Variants in IGSF11 observed in about 807,000 individuals in gnomAD.
IGSF11 encodes the protein CXADR like 1.
Under a neutral mutation model 41.0 loss-of-function variants are expected in IGSF11, and 22 were observed. That is an observed-to-expected ratio of 0.54 (90% CI 0.38 to 0.77). IGSF11 has a LOEUF of 0.77. IGSF11 is among the 30% of genes least tolerant of loss of function. The pLI, the probability that IGSF11 is intolerant of heterozygous loss-of-function variation, is 0.00. For synonymous variants in IGSF11, 219 were observed against 201.3 expected, an observed-to-expected ratio of 1.09 and a Z score of -0.74; for missense variants, 444 against 530.8, an observed-to-expected ratio of 0.84 and a Z score of 1.61.
At chr3:118,933,777 T>C (rs1348699719) in intron 1 of IGSF11, among the ~76,000 whole-genome samples, 4 of 152,144 alleles carry the variant, frequency 2.6e-5, no homozygotes, top group Non-Finnish European at 1.5e-5. Context: ...ACTTTAAAAC[T>C]AGAATGGACT....
chr3:118,913,389 A>G (rs1259635637), intron 4 of IGSF11, among the ~76,000 whole-genome samples: 1 of 152,196 alleles, frequency 6.6e-6, no homozygotes, highest in Non-Finnish European at 1.5e-5. Context: ...TCTAGGATCT[A>G]CAGAACACCA....
At chr3:119,090,978 G>T (rs2076752659) in intron 1 of IGSF11, among the ~76,000 whole-genome samples, 1 of 152,112 alleles carries the variant, frequency 6.6e-6, no homozygotes, top group Non-Finnish European at 1.5e-5. Context: ...TCTGACAAAG[G>T]TCTAATATCC....
At chr3:118,992,473 T>G (rs1481656058) in intron 1 of IGSF11, among the ~76,000 whole-genome samples, 2 of 152,220 alleles carry the variant, frequency 1.3e-5, no homozygotes, top group Non-Finnish European at 2.9e-5. Context: ...TGAATCTACA[T>G]TTTAAAAGTG....
At chr3:119,110,100 T>C (rs1158445482), upstream of IGSF11, among the ~76,000 whole-genome samples, 1 of 152,164 alleles carries the variant, frequency 6.6e-6, no homozygotes, top group Non-Finnish European at 1.5e-5. Flanking sequence ...TAGATGTCTA[T>C]TAGGTCCGCT....
At chr3:119,101,801 G>A (rs560821092) in intron 1 of IGSF11, among the ~76,000 whole-genome samples, 5 of 152,114 alleles carry the variant, frequency 3.3e-5, no homozygotes, top group South Asian at 4.2e-4. Flanking sequence ...TTCACTGGAC[G>A]GTATCTATTG....
chr3:118,930,952 T>C (rs987562771), intron 1 of IGSF11, among the ~76,000 whole-genome samples: 3 of 152,134 alleles, frequency 2.0e-5, no homozygotes, highest in African/African-American at 7.2e-5. Context: ...GATGAAGAAT[T>C]CACACTACCC....
chr3:119,111,744 G>T (rs1300660923), intron 1 of IGSF11, among the ~76,000 whole-genome samples: 2 of 152,198 alleles, frequency 1.3e-5, no homozygotes, highest in Non-Finnish European at 2.9e-5. Flanking sequence ...GGTCTTTGAT[G>T]ATGGTGATGT....
intron 1 of IGSF11, among the ~76,000 whole-genome samples, chr3:119,092,923 A>G (rs531871035): frequency 6.6e-6 from 1 of 152,354 alleles, no homozygotes; most frequent in East Asian, 1.9e-4. Context: ...CTAGGTGTTT[A>G]GTAGGGCTAT....
intron 1 of IGSF11, among the ~76,000 whole-genome samples, chr3:119,042,700 A>T (rs1205621125): frequency 2.0e-5 from 3 of 152,188 alleles, no homozygotes; most frequent in African/African-American, 7.2e-5. Flanking sequence ...GTAGCTGAAG[A>T]CAAAAGGCAT....
At chr3:118,936,608 T>C (rs1943304866) in intron 1 of IGSF11, among the ~76,000 whole-genome samples, 1 of 152,200 alleles carries the variant, frequency 6.6e-6, no homozygotes, top group Non-Finnish European at 1.5e-5. Context: ...ACTTGAATCT[T>C]TTCTTTGTAC....
At chr3:118,981,233 G>A (rs1836689) in intron 1 of IGSF11, among the ~76,000 whole-genome samples, 9,942 of 152,236 alleles carry the variant, frequency 0.065, 447 homozygotes, top group East Asian at 0.13. Context: ...GCAGTGGCGT[G>A]ATCTCAGTTC....
At chr3:118,967,276 TA>T (rs934447583) in intron 1 of IGSF11, among the ~76,000 whole-genome samples, 2 of 151,968 alleles carry the variant, frequency 1.3e-5, no homozygotes, top group Non-Finnish European at 2.9e-5. Flanking sequence ...ATAATTTGAG[TA>T]AAAAAGTTTA....
rs141769938 is a variant in IGSF11, at chr3:118,962,931, C to A, written c.53-32656G>T. Among the ~76,000 whole-genome samples, 654 of 152,208 alleles carry A rather than the reference C, an allele frequency of 4.3e-3. 7 individuals are homozygous for A. The highest frequency in any genetic ancestry group is 0.015 in the African/African-American group (638 of 41,536). On this transcript the variant is annotated intron_variant, in intron 1 of 6. Transcript: ENST00000393775. ...TGTGTAAGTCAGTTTATCATGAAGC[C>A]TGCAAGCCAATAACACTAGATTTGG...
intron 1 of IGSF11, among the ~76,000 whole-genome samples, chr3:118,937,515 A>C (rs1943372228): frequency 1.3e-5 from 2 of 152,230 alleles, no homozygotes; most frequent in Non-Finnish European, 2.9e-5. Context: ...CAACTAAAAA[A>C]AAAAGTTTGT....
intron 1 of IGSF11, among the ~76,000 whole-genome samples, chr3:119,050,340 T>A (rs1027950789): frequency 1.3e-5 from 2 of 152,046 alleles, no homozygotes; most frequent in Non-Finnish European, 2.9e-5. Flanking sequence ...GCAAAGGACG[T>A]GAACAGACAC....
chr3:118,959,388 CAG>C (rs769552763), intron 1 of IGSF11, among the ~76,000 whole-genome samples: 12 of 152,066 alleles, frequency 7.9e-5, no homozygotes, highest in Non-Finnish European at 1.6e-4. Context: ...TATGGAAAAA[CAG>C]GGAGAAGAAT....
At chr3:119,091,899 A>T (rs947099106) in intron 1 of IGSF11, among the ~76,000 whole-genome samples, 1 of 151,938 alleles carries the variant, frequency 6.6e-6, no homozygotes, top group African/African-American at 2.4e-5. Flanking sequence ...AAATTTAAAA[A>T]TAGAAAAAAA....
chr3:119,084,611 T>C (rs1025643746), intron 1 of IGSF11, among the ~76,000 whole-genome samples: 2 of 152,216 alleles, frequency 1.3e-5, no homozygotes, highest in Non-Finnish European at 2.9e-5. Flanking sequence ...TTCTTCTACA[T>C]GGGACTGGGG....
chr3:119,135,133 G>A (rs4638961), intron 1 of IGSF11, among the ~76,000 whole-genome samples: 150,626 of 152,306 alleles, frequency 0.99, 74,501 homozygotes, highest in Middle Eastern at 1. Flanking sequence ...AGGCAATACC[G>A]TTCAGGACAT....
Sources: gnomAD v4.1 joint callset for allele counts (sites outside exome capture counted in the v4.1 genomes callset) on GRCh38, gnomAD v4.1.1 for gene constraint, MANE v1.5 for transcripts, NCBI Gene and HGNC (gene_info 2026-07-23, HGNC 2026-07-21) for gene names.